The following DFFB variants were observed in gnomAD, a reference collection of about 807,000 sequenced individuals.
The protein encoded by DFFB is DNA fragmentation factor subunit beta.
DFFB carries 29 observed loss-of-function variants against 32.7 expected under a neutral mutation model. The observed-to-expected ratio is 0.89, with a 90% CI of 0.66 to 1.21. The LOEUF (loss-of-function observed/expected upper bound fraction) is 1.21, where lower values mean the gene tolerates loss of function less well. Ranked by LOEUF, DFFB falls within the 50% of genes most tolerant of loss-of-function variation. DFFB has a pLI of 0.00. For synonymous variants in DFFB, 170 were observed against 177.1 expected, an observed-to-expected ratio of 0.96 and a Z score of 0.32; for missense variants, 398 against 440.6, an observed-to-expected ratio of 0.90 and a Z score of 0.87.
At chr1:3,859,960 C>G (rs940388342) in intron 2 of DFFB, among the ~76,000 whole-genome samples, 1 of 152,198 alleles carries the variant, frequency 6.6e-6, no homozygotes. Flanking sequence ...TCCTCTGTCT[C>G]TGTCTCTGGC....
chr1:3,873,808 C>G (rs959371649), intron 6 of DFFB, among the ~76,000 whole-genome samples: 3 of 152,118 alleles, frequency 2.0e-5, no homozygotes, highest in Non-Finnish European at 4.4e-5. Context: ...GGATGCTCAG[C>G]TAGTCAGTAT....
rs944483253 is a variant in DFFB, at chr1:3,885,068, T to G, written c.*1327T>G. 5.3e-5 allele frequency: 8 copies of G among 152,336 alleles called. No individual in the cohort carries two copies. The highest frequency in any genetic ancestry group is 1.7e-4 in the African/African-American group (7 of 41,576). 9.4% of individuals were successfully genotyped at this position (152,336 alleles called of 1,614,324 possible). ...GGCTTTTATGAGGAAAGCGTTTCTGTGTAGAAACTGGAAGCTGTTCAGGGC... is the reference window on the plus strand; with the variant it reads ...GGCTTTTATGAGGAAAGCGTTTCTGGGTAGAAACTGGAAGCTGTTCAGGGC... On this transcript the variant is annotated 3_prime_UTR_variant, in exon 7 of 7. Coordinates refer to ENST00000378209, the MANE Select transcript of DFFB (RefSeq NM_004402.4).
At chr1:3,882,132 C>T (rs578073624) in intron 6 of DFFB, among the ~76,000 whole-genome samples, 1 of 152,282 alleles carries the variant, frequency 6.6e-6, no homozygotes, top group Non-Finnish European at 1.5e-5. Context: ...TCACTGCAAC[C>T]TCCGCCTCCT....
At position 3,880,082 on chromosome 1, in the gene DFFB, G is replaced by A. The variant is rs139676530; in HGVS notation, c.783-3425G>A. Among the ~76,000 whole-genome samples, 14 of 152,306 alleles carry A rather than the reference G, an allele frequency of 9.2e-5. No individual in the cohort carries two copies. In the East Asian group the frequency reaches 1.7e-3, roughly 19 times the overall value. ...TTGGGTCACTGGATAGTTTAATGGC[G>A]TGATTTAGGATGGGGTCTTTGGTTC... On this transcript the variant is annotated intron_variant, in intron 6 of 6. Coordinates refer to ENST00000378209, the MANE Select transcript of DFFB (RefSeq NM_004402.4).
intron 6 of DFFB, chr1:3,873,124 C>T (rs1197580762): frequency 2.7e-5 from 12 of 447,976 alleles, no homozygotes; most frequent in Admixed American, 2.2e-4. Flanking sequence ...CCTCCTGAGT[C>T]GCTGGGACTA....
chr1:3,866,456 A>G lies in DFFB; in HGVS notation c.430+456A>G, dbSNP rs548593979. 164 of 210,772 alleles carry G rather than the reference A, an allele frequency of 7.8e-4. 2 individuals are homozygous for G. The South Asian group carries it at 8.1e-3, about 10-fold the overall frequency. 13.1% of individuals were successfully genotyped at this position (210,772 alleles called of 1,614,324 possible). ...TTTTTAGTAGAGATGAGGTTTCGCC[A>G]TGTTGGCCAGGCTGGTCTCAAACTT... On this transcript the variant is annotated intron_variant, in intron 3 of 6. Transcript: ENST00000378209.
intron 6 of DFFB, among the ~76,000 whole-genome samples, chr1:3,873,914 G>A (rs987203074): frequency 2.0e-5 from 3 of 152,142 alleles, no homozygotes; most frequent in Non-Finnish European, 2.9e-5. Context: ...TATTGCTTTC[G>A]GAGTGAGATT....
intron 2 of DFFB, among the ~76,000 whole-genome samples, chr1:3,863,799 T>C (rs1253505743): frequency 6.6e-6 from 1 of 151,618 alleles, no homozygotes; most frequent in Non-Finnish European, 1.5e-5. Flanking sequence ...AGATGGAAAA[T>C]AGATTAGTGG....
chr1:3,873,441 C>T lies in DFFB; in HGVS notation c.782+869C>T, dbSNP rs113628080. ...AACGTTTTGCGACCAACATGACGCT[C>T]AGAGGAGATGCTCATCCGGGCATTT... is the stretch of plus-strand genomic sequence containing the variant. On this transcript the variant is annotated intron_variant, in intron 6 of 6. Transcript: ENST00000378209. Among the ~76,000 whole-genome samples, 547 of 151,650 alleles carry T rather than the reference C, an allele frequency of 3.6e-3. 2 individuals carry two copies. Among genetic ancestry groups the T allele is most frequent in the African/African-American group, 0.013 (522 of 41,334 alleles).
rs551415060 is a variant in DFFB at position 3,868,153 on chromosome 1, C to T, written c.510+100C>T. 2.4e-3 allele frequency: 2,574 copies of T among 1,066,898 alleles called. 8 individuals are homozygous for T. The highest frequency in any genetic ancestry group is 3.4e-3 in the Non-Finnish European group (2,293 of 683,978). The allele number at this position is 1,066,898 out of a possible 1,614,324, so 66.1% of individuals were successfully genotyped here. A position where few individuals can be genotyped will look rare whatever the true frequency, so the allele number is the denominator to read the frequency against. ...TCCTCACGATGGGTAGTTGGTAGGA[C>T]CACACTCCGTGCTTGCGTGGATCTG... On this transcript the variant is annotated intron_variant, in intron 4 of 6. Transcript: ENST00000378209.
chr1:3,868,221 G>C (rs1417775545), intron 4 of DFFB, among the ~76,000 whole-genome samples, 168 bp downstream of exon 4: 2 of 152,144 alleles, frequency 1.3e-5, no homozygotes, highest in Non-Finnish European at 2.9e-5. Flanking sequence ...CGGACCCTGT[G>C]CCTCCTCCCT....
chr1:3,858,943 C>T (rs79518261), intron 2 of DFFB, 99 bp downstream of exon 2: 21,701 of 1,516,122 alleles, frequency 0.014, 181 homozygotes, highest in Middle Eastern at 0.026. Flanking sequence ...AAGAGTCCCC[C>T]TTACTGTGAA....
chr1:3,864,815 C>T (rs771606093), intron 2 of DFFB, among the ~76,000 whole-genome samples: 5 of 152,072 alleles, frequency 3.3e-5, no homozygotes, highest in Non-Finnish European at 7.4e-5. Flanking sequence ...TCTGAAAGTG[C>T]TGGGATTACA....
At chr1:3,857,788 C>T in intron 1 of DFFB, 71 bp downstream of exon 1, 1 of 1,171,174 alleles carries the variant, frequency 8.5e-7, no homozygotes, top group Non-Finnish European at 1.1e-6. Flanking sequence ...GCCGCTTTTC[C>T]TCTTCCAAAA....
chr1:3,870,111 A>G (rs1645081568), intron 5 of DFFB, among the ~76,000 whole-genome samples: 1 of 152,134 alleles, frequency 6.6e-6, no homozygotes, highest in South Asian at 2.1e-4. Flanking sequence ...TACTGCTCAT[A>G]GTTCTGGAGG....
At position 3,865,961 on chromosome 1, in the gene DFFB, G is replaced by A. The variant is rs145965678; in HGVS notation, c.391G>A (p.Ala131Thr). 1,396 of 1,590,332 alleles carry A rather than the reference G, an allele frequency of 8.8e-4. 16 individuals are homozygous for A. The African/African-American group carries it at 0.016, about 19-fold the overall frequency. Residue 131 changes from alanine to threonine, a missense_variant, in exon 3 of 7, where the codon GCG (alanine) becomes ACG (threonine). Transcript: ENST00000378209. This position sits in a 1 kb window ranked among gnomAD's most constrained non-coding sequence, Gnocchi z 4.7. ...DLLHNVSQNIAAETRAEDPPW... is the reference protein window; with the variant it reads ...DLLHNVSQNITAETRAEDPPW... ...CCTGCACAACGTCAGCCAGAACATCGCGGCCGAGACCCGGGCTGAGGACCC... is the reference window on the plus strand; with the variant it reads ...CCTGCACAACGTCAGCCAGAACATCACGGCCGAGACCCGGGCTGAGGACCC...
intron 6 of DFFB, among the ~76,000 whole-genome samples, chr1:3,880,841 G>A (rs1645322609): frequency 6.6e-6 from 1 of 152,182 alleles, no homozygotes; most frequent in African/African-American, 2.4e-5. Flanking sequence ...ATGGCTCTTC[G>A]TGGGTTCGGA....
intron 6 of DFFB, among the ~76,000 whole-genome samples, chr1:3,879,962 C>T (rs1645303054): frequency 6.6e-6 from 1 of 152,208 alleles, no homozygotes; most frequent in African/African-American, 2.4e-5. Flanking sequence ...CAACCTTGCC[C>T]ACAGGTCTGG....
At chr1:3,868,342 C>T (rs796630937) in intron 4 of DFFB, among the ~76,000 whole-genome samples, 15 of 152,182 alleles carry the variant, frequency 9.9e-5, no homozygotes, top group African/African-American at 1.9e-4. Flanking sequence ...CCTCTCCCCC[C>T]GAGGCTTCTT....
Sources: gnomAD v4.1 joint callset for allele counts (sites outside exome capture counted in the v4.1 genomes callset) on GRCh38, gnomAD v4.1.1 for gene constraint, Gnocchi (gnomAD v3.1) non-coding constraint, MANE v1.5 for transcripts, NCBI Gene and HGNC (gene_info 2026-07-23, HGNC 2026-07-21) for gene names.